PEAR1: variants seen among roughly 807,000 people sequenced by gnomAD.
PEAR1 encodes the protein platelet endothelial aggregation receptor 1.
A neutral mutation model predicts 131.2 loss-of-function variants in PEAR1; 113 were observed. The observed-to-expected ratio is 0.86, with a 90% confidence interval of 0.74 to 1.01. PEAR1 has a LOEUF of 1.01. Ranked by LOEUF, PEAR1 falls within the 50% of genes least tolerant of loss-of-function variation. The pLI, the probability that PEAR1 is intolerant of heterozygous loss-of-function variation, is 0.00. For synonymous variants in PEAR1, 565 were observed against 523.3 expected (o/e 1.08, Z -1.09); for missense variants, 1,408 against 1,391.1 (o/e 1.01, Z -0.19).
At chr1:156,897,085 G>C (rs553406638) in intron 1 of PEAR1, among the ~76,000 whole-genome samples, 1 of 152,174 alleles carries the variant, frequency 6.6e-6, no homozygotes, top group Non-Finnish European at 1.5e-5. Flanking sequence ...GAGTCAGAAA[G>C]ATTTCAGGGT....
intron 15 of PEAR1, among the ~76,000 whole-genome samples, chr1:156,911,309 T>C (rs1651183831): frequency 2.2e-5 from 3 of 138,588 alleles, no homozygotes; most frequent in Admixed American, 1.5e-4. Flanking sequence ...TGACACGGAA[T>C]CTCACTCTGT....
chr1:156,912,670 G>T (rs1431107648), intron 17 of PEAR1, 48 bp downstream of exon 17: 2 of 1,609,158 alleles, frequency 1.2e-6, no homozygotes, highest in Non-Finnish European at 1.7e-6. Context: ...CAGGGAACTG[G>T]GACCTAGGCC....
Position 156,915,265 on chromosome 1 carries a change from T to A in PEAR1, c.*467T>A, listed in dbSNP as rs924037870. ...ATAGCCTCCTAACTGGCCTCCTCCA[T>A]TGATTCAGTGAACCTTCCAATGCAT... On this transcript the variant is annotated 3_prime_UTR_variant, in exon 23 of 23. Transcript: ENST00000292357. 6.5e-6 allele frequency: 1 copy of A among 153,890 alleles called. No individual in the cohort carries two copies. Among genetic ancestry groups the A allele is most frequent in the Admixed American group, 6.5e-5 (1 of 15,314 alleles). 9.5% of individuals were successfully genotyped at this position (153,890 alleles called of 1,614,324 possible). A position where few individuals can be genotyped will look rare whatever the true frequency, so the allele number is the denominator to read the frequency against.
rs979561026 is a variant in PEAR1 at position 156,910,386 on chromosome 1, G to T, written c.1825+6G>T. The T allele has an allele frequency of 1.3e-6, 2 of 1,585,874 alleles. No individual in the cohort carries two copies. Among genetic ancestry groups the T allele is most frequent in the African/African-American group, 2.7e-5 (2 of 74,530 alleles). On this transcript the variant is annotated splice_donor_region_variant and intron_variant, in intron 14 of 22. Coordinates refer to ENST00000292357, the MANE Select transcript of PEAR1 (RefSeq NM_001080471.3). Reference sequence around the variant, plus strand: ...GGGCCCCTCCTGCCAGAGATGTGAGGCTCCCTACTGCCCCTTCCACCTGCC... The same window carrying T: ...GGGCCCCTCCTGCCAGAGATGTGAGTCTCCCTACTGCCCCTTCCACCTGCC...
chr1:156,906,225 C>T, intron 4 of PEAR1, 51 bp from the exon 5 acceptor site: 1 of 1,554,438 alleles, frequency 6.4e-7, no homozygotes, highest in Non-Finnish European at 8.9e-7. Context: ...AGGATAAAAG[C>T]TGGGTAGGGG....
At chr1:156,895,884 C>T (rs1000824440) in intron 1 of PEAR1, among the ~76,000 whole-genome samples, 13 of 152,250 alleles carry the variant, frequency 8.5e-5, no homozygotes, top group Middle Eastern at 3.4e-3. Flanking sequence ...AGTTCAAGAC[C>T]GGCCTGGTCA....
At position 156,914,687 on chromosome 1, in the gene PEAR1, C is replaced by G. The variant is rs1380651516; in HGVS notation, c.3003C>G (p.Gly1001=). The G allele has an allele frequency of 6.2e-7, 1 of 1,613,754 alleles. No individual in the cohort carries two copies. The highest frequency in any genetic ancestry group is 8.5e-7 in the Non-Finnish European group (1 of 1,179,792). The part of the protein sequence containing the change: ...SVGSQPPLPP[G]LPPGHYDSPK... The stretch of plus-strand genomic sequence containing the variant: ...GCTCCCAGCCCCCTCTGCCTCCGGG[C>G]CTACCCCCCGGCCACTATGACTCAC... The change falls in exon 23 of 23, where the codon GGC becomes GGG. Residue 1001 remains glycine, a synonymous_variant. Coordinates refer to ENST00000292357, the MANE Select transcript of PEAR1 (RefSeq NM_001080471.3).
At chr1:156,904,649 G>A in intron 2 of PEAR1, 99 bp from the exon 3 acceptor site, 3 of 1,224,858 alleles carry the variant, frequency 2.4e-6, no homozygotes, top group Non-Finnish European at 3.5e-6. Flanking sequence ...GTTGGGCTGT[G>A]GATTCCCCAC....
At chr1:156,911,035 C>CTTTTTCTTTCTTTCTTTCTTTCTT (rs1558143243) in intron 15 of PEAR1, among the ~76,000 whole-genome samples, 13 of 123,902 alleles carry the variant, frequency 1.0e-4, no homozygotes, top group African/African-American at 4.2e-4. Flanking sequence ...CTCTTGATTT[C>CTTTTTCTTTCTTTCTTTCTTTCTT]TTTTTCTTTC....
intron 1 of PEAR1, among the ~76,000 whole-genome samples, chr1:156,896,086 A>C (rs1008163440): frequency 6.6e-6 from 1 of 152,212 alleles, no homozygotes; most frequent in Non-Finnish European, 1.5e-5. Context: ...GTCTCAAAAC[A>C]AAACAAAAAG....
intron 16 of PEAR1, 29 bp from the exon 17 acceptor site, chr1:156,912,465 C>G: frequency 6.2e-7 from 1 of 1,606,086 alleles, no homozygotes; most frequent in Non-Finnish European, 8.5e-7. Flanking sequence ...GGCTCTGATG[C>G]CGGCCTGCCT....
In PEAR1 at chr1:156,910,323, C is replaced by A. The variant is rs1217099519; in HGVS notation, c.1768C>A (p.Pro590Thr). ...CTCKNGGTCL[P>T]ENGNCVCAPG... Reference sequence around the variant, plus strand: ...CTGCAAGAATGGGGGCACCTGTCTCCCTGAGAATGGCAACTGCGTGTGTGC... The same window carrying A: ...CTGCAAGAATGGGGGCACCTGTCTCACTGAGAATGGCAACTGCGTGTGTGC... The change falls in exon 14 of 23, where the codon CCT (proline) becomes ACT (threonine). Residue 590 changes from proline to threonine, a missense_variant. Physicochemically the swap from Pro to Thr is conservative, Grantham distance 38. Coordinates refer to ENST00000292357, the MANE Select transcript of PEAR1 (RefSeq NM_001080471.3). 5.6e-6 allele frequency: 9 copies of A among 1,613,074 alleles called. No individual in the cohort carries two copies. Among genetic ancestry groups the A allele is most frequent in the African/African-American group, 2.7e-5 (2 of 75,024 alleles).
rs41273211 is a variant in PEAR1 at position 156,910,396 on chromosome 1, G to A, written c.1825+16G>A. On this transcript the variant is annotated intron_variant, in intron 14 of 22. Coordinates refer to ENST00000292357, the MANE Select transcript of PEAR1 (RefSeq NM_001080471.3). ...TGCCAGAGATGTGAGGCTCCCTACTGCCCCTTCCACCTGCCACCAGCAGGG... is the reference window on the plus strand; with the variant it reads ...TGCCAGAGATGTGAGGCTCCCTACTACCCCTTCCACCTGCCACCAGCAGGG... 113 of 1,573,980 alleles carry A rather than the reference G, an allele frequency of 7.2e-5. No individual in the cohort carries two copies. The highest frequency in any genetic ancestry group is 8.9e-5 in the Non-Finnish European group (103 of 1,159,680).
In PEAR1 at chr1:156,908,559, G is replaced by A; in HGVS notation, c.1116-96G>A. 2 of 1,301,686 alleles carry A rather than the reference G, an allele frequency of 1.5e-6. No homozygotes were observed. Among genetic ancestry groups the A allele is most frequent in the Non-Finnish European group, 2.1e-6 (2 of 972,568 alleles). 80.6% of individuals were successfully genotyped at this position (1,301,686 alleles called of 1,614,324 possible). Reference sequence around the variant, plus strand: ...CCTCCCTAGTGACCCCCTTACCCCAGCGATGTGCGAATCCCACTGACCACG... The same window carrying A: ...CCTCCCTAGTGACCCCCTTACCCCAACGATGTGCGAATCCCACTGACCACG... On this transcript the variant is annotated intron_variant, in intron 9 of 22. Transcript: ENST00000292357. The surrounding 1 kb of genome is among the most constrained non-coding windows in gnomAD (Gnocchi z 4.2).
In PEAR1 at chr1:156,908,843, G is replaced by T; in HGVS notation, c.1290+14G>T. On this transcript the variant is annotated intron_variant, in intron 10 of 22. Coordinates refer to ENST00000292357, the MANE Select transcript of PEAR1 (RefSeq NM_001080471.3). The surrounding 1 kb of genome is among the most constrained non-coding windows in gnomAD (Gnocchi z 4.2). ...CCGGGTTACACGGTGAGGCGCGCCC[G>T]GCTGCAAGGAAGCGAGGCAGGTGGA... 1 of 1,605,708 alleles carries T rather than the reference G, an allele frequency of 6.2e-7. No individual in the cohort carries two copies. The highest frequency in any genetic ancestry group is 8.5e-7 in the Non-Finnish European group (1 of 1,177,930).
intron 1 of PEAR1, among the ~76,000 whole-genome samples, chr1:156,899,864 C>G (rs919428775): frequency 2.0e-5 from 3 of 152,116 alleles, no homozygotes; most frequent in Non-Finnish European, 4.4e-5. Flanking sequence ...TGCTACATGA[C>G]TTCCCAGAGA....
At chr1:156,910,483 C>T (rs1288722633) in intron 14 of PEAR1, 103 bp downstream of exon 14, 1 of 1,546,832 alleles carries the variant, frequency 6.5e-7, no homozygotes, top group African/African-American at 1.4e-5. Context: ...ACCTCTCCCA[C>T]CTTACCCCCG....
intron 1 of PEAR1, among the ~76,000 whole-genome samples, chr1:156,897,700 C>T (rs921412049): frequency 2.0e-4 from 30 of 152,338 alleles, no homozygotes; most frequent in East Asian, 5.8e-4. Context: ...GGGAGGAGGG[C>T]GTGAGCCTGG....
chr1:156,902,781 G>A lies in PEAR1; in HGVS notation c.-9-1137G>A, dbSNP rs1003498609. On this transcript the variant is annotated intron_variant, in intron 1 of 22. Coordinates refer to ENST00000292357, the MANE Select transcript of PEAR1 (RefSeq NM_001080471.3). This position sits in a 1 kb window ranked among gnomAD's most constrained non-coding sequence, Gnocchi z 4.3. The stretch of plus-strand genomic sequence containing the variant: ...AACACGGAATGCAGACCCTGAAGCC[G>A]GCTGCGGGGATGGGCACTGCGGTAA... Among the ~76,000 whole-genome samples, 1 of 152,170 alleles carries A rather than the reference G, an allele frequency of 6.6e-6. No homozygotes were observed. Among genetic ancestry groups the A allele is most frequent in the Non-Finnish European group, 1.5e-5 (1 of 68,024 alleles).
Sources: allele counts gnomAD v4.1 joint callset (sites outside exome capture counted in the v4.1 genomes callset), GRCh38; gene constraint gnomAD v4.1.1; non-coding constraint Gnocchi (gnomAD v3.1); transcripts MANE v1.5; gene names NCBI Gene and HGNC (gene_info 2026-07-23, HGNC 2026-07-21).